APBB2: variants seen among roughly 807,000 people sequenced by gnomAD.
APBB2 encodes the protein amyloid beta precursor protein binding family B member 2.
Under a neutral mutation model 82.5 loss-of-function variants are expected in APBB2, and 38 were observed. The ratio of observed to expected loss-of-function variants is 0.46; its 90% CI spans 0.36 to 0.60. The LOEUF is 0.60. APBB2 is among the 20% of genes least tolerant of loss of function. The pLI, the probability that APBB2 is intolerant of heterozygous loss-of-function variation, is 0.00. For synonymous variants in APBB2, 341 were observed against 368.2 expected (o/e 0.93, Z 0.85); for missense variants, 772 against 972.3 (o/e 0.79, Z 2.74).
chr4:41,015,847 C>T (rs1055283393), intron 5 of APBB2, among the ~76,000 whole-genome samples: 1 of 152,080 alleles, frequency 6.6e-6, no homozygotes, highest in Non-Finnish European at 1.5e-5. Context: ...TGTGGTTTTT[C>T]CTTTTTCAAA....
chr4:41,117,146 T>A (rs947128770), intron 2 of APBB2, among the ~76,000 whole-genome samples: 1 of 152,068 alleles, frequency 6.6e-6, no homozygotes. Flanking sequence ...ATCACAGGTA[T>A]CACATTCTGT....
chr4:41,123,464 C>A (rs552632665), intron 2 of APBB2, among the ~76,000 whole-genome samples: 1 of 152,120 alleles, frequency 6.6e-6, no homozygotes. Flanking sequence ...AACCTGCCAT[C>A]CAACATGAGG....
rs193017653 is a variant in APBB2 at position 40,854,027 on chromosome 4, T to C, written c.1530-23450A>G. Among the ~76,000 whole-genome samples the C allele has an allele frequency of 4.2e-4, 64 of 152,344 alleles. 1 individual carries two copies. Among genetic ancestry groups the C allele is most frequent in the African/African-American group, 1.1e-3 (47 of 41,578 alleles). ...CCTTCATGCTGCCTCACAAGGTGCC[T>C]GACACATGGATGCTCCTTATCTGCC... On this transcript the variant is annotated intron_variant, in intron 12 of 17. Transcript: ENST00000508593.
chr4:40,891,256 C>T (rs1222074191), intron 11 of APBB2, among the ~76,000 whole-genome samples: 2 of 152,188 alleles, frequency 1.3e-5, no homozygotes, highest in Non-Finnish European at 2.9e-5. Flanking sequence ...CAGAGTCTTA[C>T]ACTCTGGTGT....
chr4:41,209,249 G>C (rs897795855), intron 1 of APBB2, among the ~76,000 whole-genome samples: 1 of 152,166 alleles, frequency 6.6e-6, no homozygotes, highest in Non-Finnish European at 1.5e-5. Context: ...TAATGAGGCT[G>C]AGTTTTGTGA....
chr4:40,902,833 A>G (rs569277906), intron 10 of APBB2, among the ~76,000 whole-genome samples: 1 of 152,266 alleles, frequency 6.6e-6, no homozygotes. Flanking sequence ...CCTGGACCCA[A>G]CACCCAGTTT....
At chr4:40,984,949 T>C (rs1800023346) in intron 6 of APBB2, among the ~76,000 whole-genome samples, 1 of 151,934 alleles carries the variant, frequency 6.6e-6, no homozygotes. Context: ...TGAGACAGGG[T>C]CTCACTCTCT....
intron 1 of APBB2, among the ~76,000 whole-genome samples, chr4:41,189,638 A>C (rs1158401571): frequency 6.6e-6 from 1 of 152,212 alleles, no homozygotes; most frequent in East Asian, 1.9e-4. Flanking sequence ...TCAACAAATT[A>C]AAGTCCTCAG....
chr4:40,830,020 G>C (rs546337871), intron 13 of APBB2, among the ~76,000 whole-genome samples: 7 of 152,140 alleles, frequency 4.6e-5, no homozygotes, highest in Non-Finnish European at 8.8e-5. Context: ...TGGAAAATCC[G>C]CTTTGACTCC....
chr4:40,994,689 C>T (rs1395733449), intron 6 of APBB2, among the ~76,000 whole-genome samples: 1 of 151,586 alleles, frequency 6.6e-6, no homozygotes, highest in Admixed American at 6.6e-5. Flanking sequence ...TGGCACATGC[C>T]TATAGTCCCA....
intron 10 of APBB2, among the ~76,000 whole-genome samples, chr4:40,895,979 T>A (rs1773553805): frequency 6.6e-6 from 1 of 152,288 alleles, no homozygotes; most frequent in South Asian, 2.1e-4. Flanking sequence ...CTTTGCTATA[T>A]GCCTCTGAGA....
intron 5 of APBB2, among the ~76,000 whole-genome samples, chr4:41,031,099 C>T (rs1380976808): frequency 2.0e-5 from 3 of 152,164 alleles, no homozygotes; most frequent in Non-Finnish European, 4.4e-5. Context: ...ATGGCACATG[C>T]CTGTAATCCC....
At chr4:40,869,173 C>T (rs1764792879) in intron 12 of APBB2, among the ~76,000 whole-genome samples, 1 of 152,050 alleles carries the variant, frequency 6.6e-6, no homozygotes, top group African/African-American at 2.4e-5. Flanking sequence ...GGATTACAGG[C>T]ACCTGCCTGT....
intron 2 of APBB2, among the ~76,000 whole-genome samples, chr4:41,113,024 T>G (rs911724642): frequency 6.6e-6 from 1 of 151,802 alleles, no homozygotes; most frequent in Non-Finnish European, 1.5e-5. Context: ...CTGTGAAGGT[T>G]AGACATACCA....
intron 12 of APBB2, among the ~76,000 whole-genome samples, chr4:40,888,292 G>C (rs1009935788): frequency 6.6e-6 from 1 of 152,210 alleles, no homozygotes; most frequent in Non-Finnish European, 1.5e-5. Context: ...GTCAACTGGA[G>C]TTTGAATCAT....
intron 6 of APBB2, among the ~76,000 whole-genome samples, chr4:40,950,954 A>G (rs921886795): frequency 6.6e-6 from 1 of 152,250 alleles, no homozygotes; most frequent in African/African-American, 2.4e-5. Flanking sequence ...GATGTATTTT[A>G]CAAACATATC....
At chr4:40,948,391 C>T (rs1163047489) in intron 6 of APBB2, among the ~76,000 whole-genome samples, 1 of 152,082 alleles carries the variant, frequency 6.6e-6, no homozygotes, top group African/African-American at 2.4e-5. Flanking sequence ...CGAGACACAG[C>T]GAGGCCCCGT....
At position 41,095,946 on chromosome 4, in the gene APBB2, C is replaced by G. The variant is rs564734389; in HGVS notation, c.-149+4693G>C. 2.0e-5 allele frequency among the ~76,000 whole-genome samples: 3 copies of G among 152,322 alleles called. No individual in the cohort carries two copies. In the East Asian group the frequency reaches 5.8e-4, roughly 29 times the overall value. ...TCTCACTCTGGCACCTTTTCGATCT[C>G]AGGGTCCACTCTGTTCTCCACGCTC... is the stretch of plus-strand genomic sequence containing the variant. On this transcript the variant is annotated intron_variant, in intron 3 of 17. Coordinates refer to ENST00000508593, the MANE Select transcript of APBB2 (RefSeq NM_004307.2).
intron 1 of APBB2, among the ~76,000 whole-genome samples, chr4:41,157,870 T>C (rs1763883277): frequency 6.6e-6 from 1 of 152,146 alleles, no homozygotes; most frequent in African/African-American, 2.4e-5. Context: ...CACACACCTA[T>C]AATCTCAGCT....
Sources: allele counts gnomAD v4.1 joint callset (sites outside exome capture counted in the v4.1 genomes callset), GRCh38; gene constraint gnomAD v4.1.1; transcripts MANE v1.5; gene names NCBI Gene and HGNC (gene_info 2026-07-23, HGNC 2026-07-21).